Variants in CHD9 observed in about 807,000 individuals in gnomAD.
CHD9 encodes the protein ATP-dependent chromatin remodeler CHD9.
A neutral mutation model predicts 316.1 loss-of-function variants in CHD9; 77 were observed. The ratio of observed to expected loss-of-function variants is 0.24; its 90% CI spans 0.20 to 0.29. The LOEUF (loss-of-function observed/expected upper bound fraction) is 0.29. Ranked by LOEUF, CHD9 falls within the 10% of genes least tolerant of loss-of-function variation. CHD9 has a pLI of 1.00. For synonymous variants in CHD9, 1,129 were observed against 1,158.3 expected (o/e 0.97, Z 0.51); for missense variants, 2,763 against 3,438.1 (o/e 0.80, Z 4.91).
At chr16:53,220,968 C>T (rs375826912) in intron 3 of CHD9, among the ~76,000 whole-genome samples, 30 of 152,292 alleles carry the variant, frequency 2.0e-4, no homozygotes, top group African/African-American at 5.8e-4. Flanking sequence ...CTTCAGTAAG[C>T]GTGAGCACTT....
intron 24 of CHD9, among the ~76,000 whole-genome samples, chr16:53,280,388 G>T (rs780022893): frequency 3.3e-5 from 5 of 152,114 alleles, no homozygotes; most frequent in Non-Finnish European, 4.4e-5. Context: ...AACCTTGGGG[G>T]ATAGGAGACT....
intron 2 of CHD9, among the ~76,000 whole-genome samples, chr16:53,183,504 T>C (rs1363803877): frequency 6.6e-6 from 1 of 152,172 alleles, no homozygotes; most frequent in Non-Finnish European, 1.5e-5. Context: ...AATATTAACA[T>C]TTATTCCCGT....
In CHD9 at chr16:53,150,880, T is replaced by G. The variant is rs187327301; in HGVS notation, c.-164-5046T>G. Among the ~76,000 whole-genome samples the G allele has an allele frequency of 2.3e-3, 357 of 152,324 alleles. 1 individual carries two copies. The highest frequency in any genetic ancestry group is 8.5e-3 in the African/African-American group (352 of 41,588). ...CCCTTGTGTACTTGATGAGTCTTTT[T>G]TCTCTTGCCACTTTCAAGATTCTCT... On this transcript the variant is annotated intron_variant, in intron 1 of 38. Coordinates refer to ENST00000447540, the MANE Select transcript of CHD9 (RefSeq NM_001308319.2).
chr16:53,066,568 C>G (rs563771873), intron 1 of CHD9, among the ~76,000 whole-genome samples: 1 of 152,286 alleles, frequency 6.6e-6, no homozygotes, highest in African/African-American at 2.4e-5. Flanking sequence ...CCTGCCCGGT[C>G]TCACAGGGGA....
rs1027981298 is a variant in CHD9 at position 53,107,664 on chromosome 16, A to C, written c.-164-48262A>C. Among the ~76,000 whole-genome samples the C allele has an allele frequency of 7.9e-5, 12 of 151,758 alleles. No homozygotes were observed. The South Asian group carries it at 2.1e-3, about 26-fold the overall frequency. ...ACCACTGCACTGCAGCCTGGACGAC[A>C]CAGCGAGACCCCATCTAAAAAAATT... On this transcript the variant is annotated intron_variant, in intron 1 of 38. Coordinates refer to ENST00000447540, the MANE Select transcript of CHD9 (RefSeq NM_001308319.2).
chr16:53,321,221 A>G, intron 37 of CHD9: 1 of 1,322,548 alleles, frequency 7.6e-7, no homozygotes, highest in South Asian at 1.2e-5. Context: ...ATAGCTGGTA[A>G]GTCTAACTCT....
intron 19 of CHD9, among the ~76,000 whole-genome samples, chr16:53,261,580 T>C (rs911748114): frequency 6.6e-6 from 1 of 152,106 alleles, no homozygotes; most frequent in African/African-American, 2.4e-5. Flanking sequence ...TCTCACTATG[T>C]TGCCCAGGCT....
chr16:53,189,702 G>A (rs996832598), intron 2 of CHD9, among the ~76,000 whole-genome samples: 1 of 152,018 alleles, frequency 6.6e-6, no homozygotes, highest in Non-Finnish European at 1.5e-5. Context: ...GGTCATCCTG[G>A]ATAATTGCAT....
At chr16:53,101,737 A>G (rs2036902533) in intron 1 of CHD9, among the ~76,000 whole-genome samples, 1 of 152,194 alleles carries the variant, frequency 6.6e-6, no homozygotes, top group South Asian at 2.1e-4. Context: ...TTCTAAGGAG[A>G]GTACCCTAGT....
chr16:53,094,107 G>T (rs966951980), intron 1 of CHD9, among the ~76,000 whole-genome samples: 3 of 152,230 alleles, frequency 2.0e-5, no homozygotes, highest in African/African-American at 7.2e-5. Flanking sequence ...TGCTGTGGCA[G>T]CTCAGCTGTC....
intron 1 of CHD9, among the ~76,000 whole-genome samples, chr16:53,060,766 C>T (rs918904750): frequency 2.6e-5 from 4 of 151,596 alleles, no homozygotes; most frequent in South Asian, 4.2e-4. Context: ...AAAAAACAAA[C>T]GAAAATTAGC....
Position 53,325,204 on chromosome 16 carries a change from A to G in CHD9, c.*309A>G, listed in dbSNP as rs1647157127. 1 of 210,112 alleles carries G rather than the reference A, an allele frequency of 4.8e-6. No homozygotes were observed. The highest frequency in any genetic ancestry group is 2.3e-5 in the African/African-American group (1 of 43,330). The allele number at this position is 210,112 out of a possible 1,614,324, so 13.0% of individuals were successfully genotyped here. On this transcript the variant is annotated 3_prime_UTR_variant, in exon 39 of 39. Coordinates refer to ENST00000447540, the MANE Select transcript of CHD9 (RefSeq NM_001308319.2). Reference sequence around the variant, plus strand: ...AGAGTTGTATATTTAATATATTTGCAGTGAACACAGAATACTTTATGCATA... The same window carrying G: ...AGAGTTGTATATTTAATATATTTGCGGTGAACACAGAATACTTTATGCATA...
At chr16:53,202,396 C>CTT (rs536714439) in intron 2 of CHD9, among the ~76,000 whole-genome samples, 15 of 144,786 alleles carry the variant, frequency 1.0e-4, no homozygotes, top group Non-Finnish European at 1.5e-4. Context: ...CTCTCTCTCT[C>CTT]TTTTTTTTTT....
intron 2 of CHD9, among the ~76,000 whole-genome samples, chr16:53,174,595 T>A (rs2042982082): frequency 1.3e-5 from 2 of 152,212 alleles, no homozygotes; most frequent in South Asian, 4.2e-4. Context: ...CTTGTACTTT[T>A]AACCTATTTA....
In CHD9 at chr16:53,270,527, T is replaced by A. The variant is rs531372795; in HGVS notation, c.4717+2401T>A. On this transcript the variant is annotated intron_variant, in intron 22 of 38. Coordinates refer to ENST00000447540, the MANE Select transcript of CHD9 (RefSeq NM_001308319.2). ...CCGTTGATATTTATGAATGAAATGA[T>A]TGATTTATTACATTTACTTCAAAAT... 2.6e-5 allele frequency among the ~76,000 whole-genome samples: 4 copies of A among 152,278 alleles called. No homozygotes were observed. In the South Asian group the frequency reaches 8.3e-4, roughly 32 times the overall value.
intron 1 of CHD9, among the ~76,000 whole-genome samples, chr16:53,102,590 C>T (rs1435419404): frequency 6.6e-6 from 1 of 152,084 alleles, no homozygotes; most frequent in Non-Finnish European, 1.5e-5. Context: ...TGGCTCACAC[C>T]TGTAATCTCA....
chr16:53,112,119 G>A (rs1189844823), intron 1 of CHD9, among the ~76,000 whole-genome samples: 2 of 152,190 alleles, frequency 1.3e-5, no homozygotes, highest in Non-Finnish European at 2.9e-5. Flanking sequence ...GCAACAGCAG[G>A]TCTTTCTTCT....
In CHD9 at chr16:53,227,568, T is replaced by A. The variant is rs1279246329; in HGVS notation, c.2133T>A (p.Ile711=). 1 of 1,413,964 alleles carries A rather than the reference T, an allele frequency of 7.1e-7. No homozygotes were observed. Among genetic ancestry groups the A allele is most frequent in the East Asian group, 2.7e-5 (1 of 36,742 alleles). 87.6% of individuals were successfully genotyped at this position (1,413,964 alleles called of 1,614,324 possible). The change falls in exon 7 of 39, where the codon ATT becomes ATA. Residue 711 remains isoleucine, a synonymous_variant. Coordinates refer to ENST00000447540, the MANE Select transcript of CHD9 (RefSeq NM_001308319.2). The part of the protein sequence containing the change: ...VKKEISPGVM[I]DTEEFFVKYK... ...CTTAGATATCACCTGGAGTGATGAT[T>A]GATACAGAAGAATTTTTTGTAAAAT... is the stretch of plus-strand genomic sequence containing the variant.
At chr16:53,255,861 G>A (rs920762796) in intron 19 of CHD9, 82 bp downstream of exon 19, 114 of 1,301,346 alleles carry the variant, frequency 8.8e-5, no homozygotes, top group Non-Finnish European at 1.1e-4. Flanking sequence ...CTCTTATACC[G>A]AATGTTTAAA....
Sources: allele counts gnomAD v4.1 joint callset (sites outside exome capture counted in the v4.1 genomes callset), GRCh38; gene constraint gnomAD v4.1.1; transcripts MANE v1.5; gene names NCBI Gene and HGNC (gene_info 2026-07-23, HGNC 2026-07-21).